NEDD4L: variants seen among roughly 807,000 people sequenced by gnomAD.
NEDD4L encodes NEDD4 like E3 ubiquitin protein ligase, also known as E3 ubiquitin-protein ligase NEDD4-like.
A neutral mutation model predicts 148.9 loss-of-function variants in NEDD4L; 54 were observed. That is an observed-to-expected ratio of 0.36 (90% confidence interval 0.29 to 0.45). The LOEUF (loss-of-function observed/expected upper bound fraction) is 0.45. Among genes scored for constraint, NEDD4L ranks in the 20% least tolerant of loss-of-function variants. The pLI, the probability that NEDD4L is intolerant of heterozygous loss-of-function variation, is 1.00. For missense variants in NEDD4L, 856 were observed against 1,233.8 expected, an observed-to-expected ratio of 0.69 and a Z score of 4.59; for synonymous variants, 433 against 440.7, an observed-to-expected ratio of 0.98 and a Z score of 0.22.
intron 19 of NEDD4L, among the ~76,000 whole-genome samples, chr18:58,363,424 G>A (rs1403189476): frequency 1.3e-5 from 2 of 152,140 alleles, no homozygotes; most frequent in East Asian, 3.8e-4. Context: ...TAATGTCTGT[G>A]TATATGCAAA....
At chr18:58,255,787 G>A (rs2048446660) in intron 5 of NEDD4L, 2 of 1,232,528 alleles carry the variant, frequency 1.6e-6, no homozygotes, top group Non-Finnish European at 2.0e-6. Flanking sequence ...CCTTCGCCCA[G>A]AACGGAGGGG....
At chr18:58,191,153 A>G (rs1299237985) in intron 2 of NEDD4L, among the ~76,000 whole-genome samples, 1 of 152,206 alleles carries the variant, frequency 6.6e-6, no homozygotes, top group Non-Finnish European at 1.5e-5. Flanking sequence ...AACAAAAACT[A>G]GTGATAAAAA....
At chr18:58,143,542 A>G (rs2033782854) in intron 1 of NEDD4L, among the ~76,000 whole-genome samples, 1 of 152,240 alleles carries the variant, frequency 6.6e-6, no homozygotes, top group Non-Finnish European at 1.5e-5. Context: ...ACCCAGTGCC[A>G]GTAATGATGC....
At chr18:58,309,114 C>A (rs1040214132) in intron 5 of NEDD4L, among the ~76,000 whole-genome samples, 97 of 152,182 alleles carry the variant, frequency 6.4e-4, no homozygotes, top group Non-Finnish European at 1.0e-4. Context: ...TCTTCACTTG[C>A]CCTGGGAGAC....
intron 16 of NEDD4L, among the ~76,000 whole-genome samples, chr18:58,346,256 C>T (rs1432022302): frequency 6.6e-6 from 1 of 152,134 alleles, no homozygotes; most frequent in Non-Finnish European, 1.5e-5. Context: ...CAAAATGATC[C>T]AAAGTCTGAA....
At position 58,063,690 on chromosome 18, in the gene NEDD4L, C is replaced by T. The variant is rs370106634; in HGVS notation, c.48+18982C>T. On this transcript the variant is annotated intron_variant, in intron 1 of 30. Transcript: ENST00000400345. ...AAGTGATTCTCCTGCCTCAGCCTCC[C>T]GAGTAGCTGGGACTACAGGCACTCG... Among the ~76,000 whole-genome samples the T allele has an allele frequency of 1.7e-4, 26 of 151,776 alleles. No individual in the cohort carries two copies. In the East Asian group the frequency reaches 2.9e-3, roughly 17 times the overall value.
intron 5 of NEDD4L, among the ~76,000 whole-genome samples, chr18:58,304,239 C>T (rs1414765138): frequency 6.6e-6 from 1 of 151,840 alleles, no homozygotes; most frequent in Non-Finnish European, 1.5e-5. Context: ...CATTTATTGG[C>T]CAGGGGCAGT....
chr18:58,243,751 C>T (rs750551483), intron 2 of NEDD4L, among the ~76,000 whole-genome samples: 35 of 152,018 alleles, frequency 2.3e-4, no homozygotes, highest in Non-Finnish European at 4.4e-4. Context: ...TAGGTGCATC[C>T]GCTTAGATGT....
rs58940181 is a variant in NEDD4L, at chr18:58,245,846, A to ATTT, written c.204+359_204+361dup. On this transcript the variant is annotated intron_variant, in intron 3 of 30. Transcript: ENST00000400345. ...CAGGCACCTGTCACCATGCCTGGCT[A>ATTT]TTTTTTTTTTTTTTTTTTTTTTTGT... Among the ~76,000 whole-genome samples the ATTT allele has an allele frequency of 2.2e-3, 198 of 91,510 alleles. 6 individuals are homozygous for ATTT. The highest frequency in any genetic ancestry group is 6.5e-3 in the African/African-American group (148 of 22,924). 60.0% of individuals were successfully genotyped at this position (91,510 alleles called of 152,430 possible). A position where few individuals can be genotyped will look rare whatever the true frequency, so the allele number is the denominator to read the frequency against.
chr18:58,120,539 G>C (rs1391328143), intron 1 of NEDD4L, among the ~76,000 whole-genome samples: 1 of 152,200 alleles, frequency 6.6e-6, no homozygotes, highest in Non-Finnish European at 1.5e-5. Flanking sequence ...CAGCACGTTG[G>C]GAGGCTGAGG....
At chr18:58,052,671 A>C (rs1023340887) in intron 1 of NEDD4L, among the ~76,000 whole-genome samples, 2 of 151,888 alleles carry the variant, frequency 1.3e-5, no homozygotes, top group Admixed American at 1.3e-4. Context: ...TTAAGTTTAA[A>C]AAGCTATGAT....
chr18:58,095,267 G>C (rs909305620), intron 1 of NEDD4L, among the ~76,000 whole-genome samples: 1 of 152,188 alleles, frequency 6.6e-6, no homozygotes, highest in Non-Finnish European at 1.5e-5. Flanking sequence ...CAGGCAAAGA[G>C]GGGGGACATT....
chr18:58,300,874 C>T (rs980301904), intron 5 of NEDD4L, among the ~76,000 whole-genome samples: 1 of 152,190 alleles, frequency 6.6e-6, no homozygotes, highest in Admixed American at 6.5e-5. Context: ...GCTTGATTTA[C>T]AGATTATTAG....
At chr18:58,368,291 T>C (rs2046371517) in intron 22 of NEDD4L, among the ~76,000 whole-genome samples, 1 of 152,196 alleles carries the variant, frequency 6.6e-6, no homozygotes, top group African/African-American at 2.4e-5. Flanking sequence ...TTCAAAATAA[T>C]GTTACTGCTT....
intron 1 of NEDD4L, among the ~76,000 whole-genome samples, chr18:58,158,609 C>G (rs2035802209): frequency 6.6e-6 from 1 of 152,194 alleles, no homozygotes; most frequent in Admixed American, 6.5e-5. Context: ...ATCCCACAGT[C>G]TTTTCAGAAA....
intron 1 of NEDD4L, among the ~76,000 whole-genome samples, chr18:58,117,245 GC>G (rs2085906308): frequency 6.6e-6 from 1 of 152,172 alleles, no homozygotes; most frequent in Non-Finnish European, 1.5e-5. Context: ...ATACCTCCAG[GC>G]CCAGTTGCCT....
chr18:58,162,201 A>G (rs529278069), intron 1 of NEDD4L, among the ~76,000 whole-genome samples: 98 of 152,152 alleles, frequency 6.4e-4, no homozygotes, highest in African/African-American at 2.2e-3. Flanking sequence ...CTGAAGCTAC[A>G]TTTTATCACT....
chr18:58,052,275 T>C (rs2081907977), intron 1 of NEDD4L, among the ~76,000 whole-genome samples: 1 of 152,200 alleles, frequency 6.6e-6, no homozygotes, highest in Admixed American at 6.5e-5. Flanking sequence ...GCAGGGCGTT[T>C]GGTGGTTGGC....
chr18:58,162,796 G>A (rs534275016), intron 1 of NEDD4L, among the ~76,000 whole-genome samples: 4 of 151,766 alleles, frequency 2.6e-5, no homozygotes, highest in Admixed American at 2.0e-4. Context: ...GGGCGCAGTG[G>A]CTCACGCCTG....
Sources: allele counts gnomAD v4.1 joint callset (sites outside exome capture counted in the v4.1 genomes callset), GRCh38; gene constraint gnomAD v4.1.1; transcripts MANE v1.5; gene names NCBI Gene and HGNC (gene_info 2026-07-23, HGNC 2026-07-21).